Variants in NEGR1 observed in about 807,000 individuals in gnomAD.
NEGR1 encodes the protein neuronal growth regulator 1, also known as IgLON family member 4.
Under a neutral mutation model 40.9 loss-of-function variants are expected in NEGR1, and 10 were observed. That is an observed-to-expected ratio of 0.24 (90% CI 0.15 to 0.42). NEGR1 has a LOEUF of 0.42. Ranked by LOEUF, NEGR1 falls within the 10% of genes least tolerant of loss-of-function variation. The pLI, the probability that NEGR1 is intolerant of heterozygous loss-of-function variation, is 1.00. For missense variants in NEGR1, 352 were observed against 438.9 expected (o/e 0.80, Z 1.77); for synonymous variants, 185 against 166.8 (o/e 1.11, Z -0.84).
chr1:71,691,658 T>C (rs1236734141), intron 4 of NEGR1, among the ~76,000 whole-genome samples: 1 of 151,820 alleles, frequency 6.6e-6, no homozygotes, highest in Non-Finnish European at 1.5e-5. Flanking sequence ...TCTTTTTTCA[T>C]TATGAAACAC....
intron 2 of NEGR1, among the ~76,000 whole-genome samples, chr1:71,826,160 T>G (rs745578575): frequency 2.0e-5 from 3 of 151,918 alleles, no homozygotes; most frequent in Non-Finnish European, 4.4e-5. Flanking sequence ...GGATTTTAGT[T>G]TCTGGATTCT....
At chr1:71,927,107 C>A (rs1371804631) in intron 2 of NEGR1, among the ~76,000 whole-genome samples, 1 of 152,076 alleles carries the variant, frequency 6.6e-6, no homozygotes, top group Non-Finnish European at 1.5e-5. Context: ...AGTAGCTAAA[C>A]CCATAACCTA....
At chr1:71,871,372 T>A (rs1274979663) in intron 2 of NEGR1, among the ~76,000 whole-genome samples, 1 of 152,156 alleles carries the variant, frequency 6.6e-6, no homozygotes, top group Non-Finnish European at 1.5e-5. Context: ...ACTTTTTGTG[T>A]GGACTACAAT....
chr1:71,616,198 C>T (rs759049913), intron 4 of NEGR1, among the ~76,000 whole-genome samples: 1 of 152,112 alleles, frequency 6.6e-6, no homozygotes, highest in Non-Finnish European at 1.5e-5. Flanking sequence ...GTTAGGAACC[C>T]GGGCCACACA....
intron 2 of NEGR1, among the ~76,000 whole-genome samples, chr1:71,861,735 G>A (rs1050018881): frequency 2.0e-5 from 3 of 152,092 alleles, no homozygotes; most frequent in Non-Finnish European, 4.4e-5. Flanking sequence ...GTAAACTACA[G>A]TTATTAGGAG....
intron 6 of NEGR1, among the ~76,000 whole-genome samples, chr1:71,487,423 G>T (rs1162847392): frequency 6.6e-6 from 1 of 151,576 alleles, no homozygotes; most frequent in Non-Finnish European, 1.5e-5. Context: ...TAAAGTTGTA[G>T]CCCCTCTGAT....
chr1:71,785,860 T>C (rs564876487), intron 2 of NEGR1, among the ~76,000 whole-genome samples: 1 of 152,298 alleles, frequency 6.6e-6, no homozygotes, highest in South Asian at 2.1e-4. Context: ...CCTGGTTTTA[T>C]AAGGTAAGCC....
intron 6 of NEGR1, among the ~76,000 whole-genome samples, chr1:71,492,371 AG>A (rs1646935829): frequency 1.3e-5 from 2 of 152,028 alleles, no homozygotes; most frequent in Admixed American, 1.3e-4. Flanking sequence ...ACCTCTTGAA[AG>A]CCATCAATTA....
At chr1:72,215,569 C>T (rs938787420) in intron 1 of NEGR1, among the ~76,000 whole-genome samples, 2 of 152,060 alleles carry the variant, frequency 1.3e-5, no homozygotes, top group Non-Finnish European at 2.9e-5. Context: ...ATAGACACTT[C>T]TCAAAAGAAG....
Position 72,082,626 on chromosome 1 carries a change from A to C in NEGR1, c.177-147315T>G, listed in dbSNP as rs542923893. ...CTTTTCCCTGGATTATTCACTGATAAGAATGAACACTGCTACCATACATGA... is the reference window on the plus strand; with the variant it reads ...CTTTTCCCTGGATTATTCACTGATACGAATGAACACTGCTACCATACATGA... On this transcript the variant is annotated intron_variant, in intron 1 of 6. Transcript: ENST00000357731. Among the ~76,000 whole-genome samples, 121 of 152,142 alleles carry C rather than the reference A, an allele frequency of 8.0e-4. 1 individual carries two copies. Among genetic ancestry groups the C allele is most frequent in the African/African-American group, 2.8e-3 (115 of 41,530 alleles).
chr1:71,592,799 T>C lies in NEGR1; in HGVS notation c.940+18A>G. ...CCAGAGGCCCCTGGAAGCATTTTGG[T>C]ACCATTGCATTACTTACGGTTAAGA... On this transcript the variant is annotated intron_variant, in intron 6 of 6. Coordinates refer to ENST00000357731, the MANE Select transcript of NEGR1 (RefSeq NM_173808.3). 1 of 1,598,762 alleles carries C rather than the reference T, an allele frequency of 6.3e-7. No individual in the cohort carries two copies. Among genetic ancestry groups the C allele is most frequent in the South Asian group, 1.1e-5 (1 of 90,028 alleles).
At chr1:71,798,924 G>T (rs150294711) in intron 2 of NEGR1, among the ~76,000 whole-genome samples, 1 of 151,970 alleles carries the variant, frequency 6.6e-6, no homozygotes, top group African/African-American at 2.4e-5. Flanking sequence ...AGTAGCCGAA[G>T]GTACTATATT....
At chr1:72,025,181 C>G (rs148770731) in intron 1 of NEGR1, among the ~76,000 whole-genome samples, 1 of 152,012 alleles carries the variant, frequency 6.6e-6, no homozygotes, top group Non-Finnish European at 1.5e-5. Context: ...TATAGTATAA[C>G]GTTTACATTG....
At chr1:71,645,026 C>T (rs1651485155) in intron 4 of NEGR1, among the ~76,000 whole-genome samples, 2 of 151,972 alleles carry the variant, frequency 1.3e-5, no homozygotes, top group Admixed American at 1.3e-4. Flanking sequence ...TTATACAGCT[C>T]TAAACTTTAT....
intron 1 of NEGR1, among the ~76,000 whole-genome samples, chr1:71,942,803 A>AGC (rs1645978896): frequency 6.7e-6 from 1 of 148,752 alleles, no homozygotes; most frequent in Non-Finnish European, 1.5e-5. Flanking sequence ...CGCCCGGCCT[A>AGC]AATCTATATT....
chr1:71,692,793 C>T (rs1011666693), intron 4 of NEGR1, among the ~76,000 whole-genome samples: 2 of 151,714 alleles, frequency 1.3e-5, no homozygotes, highest in South Asian at 4.1e-4. Flanking sequence ...AAATAATGCA[C>T]AAATATGTGC....
intron 1 of NEGR1, among the ~76,000 whole-genome samples, chr1:72,230,183 A>T (rs1369151763): frequency 6.6e-6 from 1 of 152,102 alleles, no homozygotes; most frequent in African/African-American, 2.4e-5. Context: ...GGAGTTACCT[A>T]TCTCCCTCAC....
chr1:71,656,392 T>C (rs1047581135), intron 4 of NEGR1, among the ~76,000 whole-genome samples: 2 of 151,962 alleles, frequency 1.3e-5, no homozygotes, highest in African/African-American at 4.8e-5. Context: ...TTTTACATTG[T>C]TTGTTTGTTT....
intron 4 of NEGR1, among the ~76,000 whole-genome samples, chr1:71,636,188 G>A (rs1651142957): frequency 6.6e-6 from 1 of 152,034 alleles, no homozygotes. Context: ...AAGTCCTAAT[G>A]AAGAAATATT....
Sources: gnomAD v4.1 joint callset for allele counts (sites outside exome capture counted in the v4.1 genomes callset) on GRCh38, gnomAD v4.1.1 for gene constraint, MANE v1.5 for transcripts, NCBI Gene and HGNC (gene_info 2026-07-23, HGNC 2026-07-21) for gene names.